The following ZNF599 variants were observed in gnomAD, a reference collection of about 807,000 sequenced individuals.
The protein encoded by ZNF599 is zinc finger protein 599.
Under a neutral mutation model 11.7 loss-of-function variants are expected in ZNF599, and 10 were observed. That is an observed-to-expected ratio of 0.86 (90% confidence interval 0.53 to 1.45). ZNF599 has a LOEUF of 1.45. Among genes scored for constraint, ZNF599 ranks in the 40% most tolerant of loss-of-function variants. The pLI is 0.00. For missense variants in ZNF599, 688 were observed against 713.6 expected, an observed-to-expected ratio of 0.96 and a Z score of 0.41; for synonymous variants, 232 against 253.2, an observed-to-expected ratio of 0.92 and a Z score of 0.79.
At chr19:34,784,755 C>A in the ZNF599 span, among the ~76,000 whole-genome samples, 3 of 151,750 alleles carry the variant, frequency 2.0e-5, no homozygotes, top group Non-Finnish European at 2.9e-5. Flanking sequence ...CGAATCGATA[C>A]CCCCTTGGAA....
At chr19:34,765,701 G>A (rs1157682194) in intron 3 of ZNF599, 15 of 702,544 alleles carry the variant, frequency 2.1e-5, no homozygotes, top group Non-Finnish European at 3.1e-5. Context: ...AAAATCAAGT[G>A]TGTAGGCTTT....
the ZNF599 span, among the ~76,000 whole-genome samples, chr19:34,802,529 G>GAGAACACTGT: frequency 1.3e-5 from 2 of 152,222 alleles, no homozygotes; most frequent in Non-Finnish European, 2.9e-5. Flanking sequence ...GCCAGTGTTG[G>GAGAACACTGT]AGAACACTGT....
upstream of ZNF599, among the ~76,000 whole-genome samples, chr19:34,776,061 CA>C (rs1339754845): frequency 1.3e-5 from 2 of 152,024 alleles, no homozygotes; most frequent in African/African-American, 4.8e-5. Context: ...GGTAAACATC[CA>C]AAGTAGAATA....
At chr19:34,804,923 T>C in the ZNF599 span, among the ~76,000 whole-genome samples, 5 of 152,164 alleles carry the variant, frequency 3.3e-5, no homozygotes, top group Non-Finnish European at 5.9e-5. Flanking sequence ...ACTGCAACCA[T>C]AGTGTTATCG....
chr19:34,799,004 C>G, the ZNF599 span, among the ~76,000 whole-genome samples: 1 of 152,060 alleles, frequency 6.6e-6, no homozygotes, highest in Non-Finnish European at 1.5e-5. Flanking sequence ...GTACTATACA[C>G]AGCACTTTTT....
chr19:34,788,256 A>C, the ZNF599 span, among the ~76,000 whole-genome samples: 1 of 152,028 alleles, frequency 6.6e-6, no homozygotes, highest in African/African-American at 2.4e-5. Context: ...TCTCCTCCAC[A>C]CTCAATACTC....
chr19:34,794,774 T>C, the ZNF599 span, among the ~76,000 whole-genome samples: 1 of 152,256 alleles, frequency 6.6e-6, no homozygotes, highest in East Asian at 1.9e-4. Flanking sequence ...TTTCACCATG[T>C]TGGCCAGGTT....
the ZNF599 span, among the ~76,000 whole-genome samples, chr19:34,800,879 G>A: frequency 6.6e-5 from 10 of 152,156 alleles, no homozygotes; most frequent in South Asian, 2.1e-4. Flanking sequence ...ACAGGCGTGA[G>A]ACACCATGCG....
At chr19:34,799,515 A>G in the ZNF599 span, among the ~76,000 whole-genome samples, 3 of 152,212 alleles carry the variant, frequency 2.0e-5, no homozygotes, top group Non-Finnish European at 1.5e-5. Context: ...ATTATGAAAA[A>G]AATTTGCAAT....
Position 34,759,918 on chromosome 19 carries a change from G to T in ZNF599, c.883C>A (p.Arg295Ser). Residue 295 changes from arginine (R) to serine (S), a missense_variant, in exon 4 of 4, where the codon CGC (arginine) becomes AGC (serine). Transcript: ENST00000329285. ...CKECGKAFTH[R>S]SSFIQHNMTH... ...ATATTATGCTGGATAAAAGAAGAGCGGTGGGTGAATGCTTTGCCACATTCT... is the reference window on the plus strand; with the variant it reads ...ATATTATGCTGGATAAAAGAAGAGCTGTGGGTGAATGCTTTGCCACATTCT... The T allele has an allele frequency of 6.2e-7, 1 of 1,613,908 alleles. No homozygotes were observed. Among genetic ancestry groups the T allele is most frequent in the Non-Finnish European group, 8.5e-7 (1 of 1,179,928 alleles).
At chr19:34,766,684 GTA>G (rs1241707018) in intron 3 of ZNF599, among the ~76,000 whole-genome samples, 9 of 152,318 alleles carry the variant, frequency 5.9e-5, no homozygotes. Flanking sequence ...TATCAGATAA[GTA>G]TATGTTCACT....
chr19:34,794,542 A>T, the ZNF599 span, among the ~76,000 whole-genome samples: 1 of 151,140 alleles, frequency 6.6e-6, no homozygotes, highest in South Asian at 2.1e-4. Flanking sequence ...TTCCCCCCTC[A>T]GAGATTATAT....
chr19:34,770,976 T>C (rs1173021448), intron 1 of ZNF599, among the ~76,000 whole-genome samples: 2 of 152,230 alleles, frequency 1.3e-5, no homozygotes, highest in East Asian at 1.9e-4. Flanking sequence ...GGGTGAAATA[T>C]TGGTTAAAAA....
intron 3 of ZNF599, chr19:34,762,659 G>T (rs1386556148): frequency 2.0e-5 from 3 of 152,134 alleles, no homozygotes; most frequent in Non-Finnish European, 2.9e-5. Context: ...GAAAAAAAAT[G>T]AGTGAACTAC....
chr19:34,774,098 G>T (rs1420583451), upstream of ZNF599, among the ~76,000 whole-genome samples: 1 of 152,158 alleles, frequency 6.6e-6, no homozygotes, highest in Non-Finnish European at 1.5e-5. Flanking sequence ...ATGCAGGAGG[G>T]TTTCCTAATA....
At chr19:34,806,075 A>G in the ZNF599 span, among the ~76,000 whole-genome samples, 1 of 152,250 alleles carries the variant, frequency 6.6e-6, no homozygotes, top group Middle Eastern at 3.4e-3. Context: ...AGCCACGTGG[A>G]TGGAAGGTTG....
the ZNF599 span, among the ~76,000 whole-genome samples, chr19:34,784,980 G>A: frequency 3.4e-5 from 5 of 147,158 alleles, no homozygotes; most frequent in Admixed American, 1.4e-4. Flanking sequence ...CTCATAACCC[G>A]AATCCCTCCC....
At chr19:34,805,166 C>T in the ZNF599 span, among the ~76,000 whole-genome samples, 1 of 151,968 alleles carries the variant, frequency 6.6e-6, no homozygotes, top group Non-Finnish European at 1.5e-5. Context: ...ACACTTCCTT[C>T]CAAAACTTTG....
chr19:34,805,804 C>T, the ZNF599 span, among the ~76,000 whole-genome samples: 1 of 152,178 alleles, frequency 6.6e-6, no homozygotes, highest in African/African-American at 2.4e-5. Context: ...CCCCTACTCT[C>T]CTGCTAGCAA....
Sources: allele counts gnomAD v4.1 joint callset (sites outside exome capture counted in the v4.1 genomes callset), GRCh38; gene constraint gnomAD v4.1.1; transcripts MANE v1.5; gene names NCBI Gene and HGNC (gene_info 2026-07-23, HGNC 2026-07-21).